AKAP6: variants seen among roughly 807,000 people sequenced by gnomAD.
AKAP6 encodes the protein A-kinase anchoring protein 6, also known as A-kinase anchor protein 6.
A neutral mutation model predicts 188.5 loss-of-function variants in AKAP6; 58 were observed. The ratio of observed to expected loss-of-function variants is 0.31; its 90% CI spans 0.25 to 0.38. The LOEUF is 0.38. Among genes scored for constraint, AKAP6 ranks in the 10% least tolerant of loss-of-function variants. The probability of loss-of-function intolerance (pLI) is 1.00; values close to 1 mark genes in which losing one functional copy is unlikely to be tolerated. For missense variants in AKAP6, 2,710 were observed against 2,740.0 expected, an observed-to-expected ratio of 0.99 and a Z score of 0.24; for synonymous variants, 989 against 998.6, an observed-to-expected ratio of 0.99 and a Z score of 0.18.
intron 1 of AKAP6, among the ~76,000 whole-genome samples, chr14:32,360,822 T>A (rs1887635120): frequency 6.6e-6 from 1 of 151,202 alleles, no homozygotes; most frequent in African/African-American, 2.4e-5. Context: ...CACAACTCTG[T>A]AGCCTCAAGC....
At position 32,823,132 on chromosome 14, in the gene AKAP6, G is replaced by A; in HGVS notation, c.5319G>A (p.Glu1773=). The A allele has an allele frequency of 6.2e-7, 1 of 1,613,744 alleles. No individual in the cohort carries two copies. The highest frequency in any genetic ancestry group is 8.5e-7 in the Non-Finnish European group (1 of 1,179,868). The change falls in exon 13 of 14, where the codon GAG becomes GAA. Residue 1773 remains glutamate (E), a synonymous_variant. Transcript: ENST00000280979. ...AAGAAGAGCTGTGCATCAAAGATGA[G>A]GATGACGACTCCAGTATTGCAACAG... ...LTEEELCIKD[E]DDDSSIATDD... is the part of the protein sequence containing the mutation.
chr14:32,410,733 G>A (rs76940052), intron 1 of AKAP6, among the ~76,000 whole-genome samples: 6,237 of 151,968 alleles, frequency 0.041, 189 homozygotes, highest in East Asian at 0.08. Flanking sequence ...AGTAAATCTC[G>A]ATTTATTGCC....
At position 32,821,814 on chromosome 14, in the gene AKAP6, A is replaced by G. The variant is rs1277953940; in HGVS notation, c.4001A>G (p.Lys1334Arg). ...LSKDSSFSST[K>R]SLPDLLGGSN... ...AAAGACTCTTCATTTTCATCTACCAAATCTTTGCCAGATCTTCTAGGTGGT... is the reference window on the plus strand; with the variant it reads ...AAAGACTCTTCATTTTCATCTACCAGATCTTTGCCAGATCTTCTAGGTGGT... Residue 1334 changes from lysine (K) to arginine (R), a missense_variant, in exon 13 of 14, where the codon AAA becomes AGA. By Grantham distance (26) the Lys-to-Arg change is conservative. Around this residue, in one of 2 missense-constraint regions of AKAP6, gnomAD observed 2,473 missense variants for 2,426.1 expected, o/e 1.02. Coordinates refer to ENST00000280979, the MANE Select transcript of AKAP6 (RefSeq NM_004274.5). 1.2e-6 allele frequency: 2 copies of G among 1,613,636 alleles called. No homozygotes were observed. Among genetic ancestry groups the G allele is most frequent in the East Asian group, 2.2e-5 (1 of 44,882 alleles).
At position 32,834,531 on chromosome 14, in the gene AKAP6, G is replaced by GTGTTTTTTTTTTTTTTTTTTTTT. The variant is rs1437449754; in HGVS notation, c.*4727_*4728insGTTTTTTTTTTTTTTTTTTTTTT. ...ATCACACACTGCTTTTAGTTTCCAA[G>GTGTTTTTTTTTTTTTTTTTTTTT]TCTTTTTTTTTTTTTTTTTTTTTAA... On this transcript the variant is annotated 3_prime_UTR_variant, in exon 14 of 14. Transcript: ENST00000280979. 8 of 90,554 alleles carry GTGTTTTTTTTTTTTTTTTTTTTT rather than the reference G, an allele frequency of 8.8e-5. No individual in the cohort carries two copies. The highest frequency in any genetic ancestry group is 3.7e-4 in the East Asian group (1 of 2,722). The allele number at this position is 90,554 out of a possible 1,614,324, so 5.6% of individuals were successfully genotyped here.
intron 7 of AKAP6, among the ~76,000 whole-genome samples, chr14:32,674,582 A>C (rs1216449191): frequency 6.6e-6 from 1 of 152,160 alleles, no homozygotes; most frequent in Non-Finnish European, 1.5e-5. Flanking sequence ...TGAGCAATAG[A>C]CAGTACCATT....
At chr14:32,344,386 G>A (rs746902627) in intron 1 of AKAP6, among the ~76,000 whole-genome samples, 1 of 152,234 alleles carries the variant, frequency 6.6e-6, no homozygotes, top group Non-Finnish European at 1.5e-5. Context: ...ACGTAGCTGA[G>A]CAAGATAATG....
At chr14:32,488,219 GC>G (rs1359488095) in intron 2 of AKAP6, among the ~76,000 whole-genome samples, 1 of 152,188 alleles carries the variant, frequency 6.6e-6, no homozygotes, top group Non-Finnish European at 1.5e-5. Context: ...TTTTAGAGAT[GC>G]CCTGCCCGGA....
At chr14:32,636,593 A>G (rs1887499507) in intron 7 of AKAP6, among the ~76,000 whole-genome samples, 1 of 152,018 alleles carries the variant, frequency 6.6e-6, no homozygotes, top group Admixed American at 6.6e-5. Context: ...GGTAAGTCAT[A>G]ATGGTAGAGA....
rs987420439 is a variant in AKAP6, at chr14:32,353,121, G to A, written c.-35+23713G>A. On this transcript the variant is annotated intron_variant, in intron 1 of 13. Coordinates refer to ENST00000280979, the MANE Select transcript of AKAP6 (RefSeq NM_004274.5). Reference sequence around the variant, plus strand: ...GCCAACCTCCCATTTCTCCACCAGTGGCTGGCACTTACCTATAGAGAACAG... The same window carrying A: ...GCCAACCTCCCATTTCTCCACCAGTAGCTGGCACTTACCTATAGAGAACAG... 2.0e-5 allele frequency among the ~76,000 whole-genome samples: 3 copies of A among 152,034 alleles called. No individual in the cohort carries two copies. In the South Asian group the frequency reaches 6.2e-4, roughly 32 times the overall value.
chr14:32,746,813 G>A (rs189182694), intron 11 of AKAP6, among the ~76,000 whole-genome samples: 307 of 152,286 alleles, frequency 2.0e-3, no homozygotes, highest in African/African-American at 7.0e-3. Context: ...TTACTTGAAA[G>A]AGAAAAGCAC....
intron 7 of AKAP6, among the ~76,000 whole-genome samples, chr14:32,676,500 C>A (rs1362979258): frequency 6.6e-6 from 1 of 152,134 alleles, no homozygotes; most frequent in Non-Finnish European, 1.5e-5. Context: ...CTAGCGTTTT[C>A]TTTGTGCCTT....
At chr14:32,362,267 A>G (rs963654981) in intron 1 of AKAP6, among the ~76,000 whole-genome samples, 3 of 152,194 alleles carry the variant, frequency 2.0e-5, no homozygotes, top group Non-Finnish European at 4.4e-5. Context: ...AACCTCCTAT[A>G]TGTCAGTACT....
intron 1 of AKAP6, among the ~76,000 whole-genome samples, chr14:32,380,744 A>G (rs1464555253): frequency 6.6e-6 from 1 of 152,196 alleles, no homozygotes; most frequent in African/African-American, 2.4e-5. Context: ...ATTTGCTGCT[A>G]GAGTCCTGTC....
At chr14:32,383,413 A>C (rs1021446985) in intron 1 of AKAP6, among the ~76,000 whole-genome samples, 1 of 152,064 alleles carries the variant, frequency 6.6e-6, no homozygotes, top group Non-Finnish European at 1.5e-5. Context: ...AAAGAACTGT[A>C]TTATTTTCTA....
chr14:32,590,071 C>T (rs1444641109), intron 5 of AKAP6, among the ~76,000 whole-genome samples: 1 of 152,056 alleles, frequency 6.6e-6, no homozygotes, highest in Non-Finnish European at 1.5e-5. Context: ...CAGAAAAATG[C>T]CTATTCTATA....
Position 32,387,597 on chromosome 14 carries a change from C to T in AKAP6, c.-34-45863C>T, listed in dbSNP as rs561034452. ...AATGCTTTTTCTGCATCTATTGAGACGATCATGTGATTTTTGTTTTTAATT... is the reference window on the plus strand; with the variant it reads ...AATGCTTTTTCTGCATCTATTGAGATGATCATGTGATTTTTGTTTTTAATT... On this transcript the variant is annotated intron_variant, in intron 1 of 13. Coordinates refer to ENST00000280979, the MANE Select transcript of AKAP6 (RefSeq NM_004274.5). Among the ~76,000 whole-genome samples the T allele has an allele frequency of 3.9e-4, 58 of 150,590 alleles. 1 individual carries two copies. In the East Asian group the frequency reaches 4.6e-3, roughly 12 times the overall value.
chr14:32,636,782 T>G (rs1887511385), intron 7 of AKAP6, among the ~76,000 whole-genome samples: 1 of 152,092 alleles, frequency 6.6e-6, no homozygotes, highest in Non-Finnish European at 1.5e-5. Context: ...TGGCATAAGA[T>G]GAGGCCAGGA....
At chr14:32,794,153 A>G (rs1988801) in intron 12 of AKAP6, among the ~76,000 whole-genome samples, 34,091 of 152,172 alleles carry the variant, frequency 0.22, 4,828 homozygotes, top group Non-Finnish European at 0.31. Flanking sequence ...CAAACAGTCT[A>G]TCAGACCCAC....
intron 1 of AKAP6, among the ~76,000 whole-genome samples, chr14:32,423,773 A>G (rs1452690312): frequency 6.6e-6 from 1 of 152,160 alleles, no homozygotes; most frequent in African/African-American, 2.4e-5. Flanking sequence ...ATATTTATAT[A>G]TTACTCTTTA....
Sources: allele counts gnomAD v4.1 joint callset (sites outside exome capture counted in the v4.1 genomes callset), GRCh38; gene constraint gnomAD v4.1.1; regional missense constraint gnomAD v4.1.1; transcripts MANE v1.5; gene names NCBI Gene and HGNC (gene_info 2026-07-23, HGNC 2026-07-21).